Variants in SPRR2G observed in about 807,000 individuals in gnomAD.
SPRR2G encodes the protein small proline-rich protein 2G.
In SPRR2G, 1 loss-of-function variant was observed where a neutral mutation model predicts 0.7. The observed-to-expected ratio is 1.49, with a 90% CI of 0.53 to 7.06. The LOEUF (loss-of-function observed/expected upper bound fraction) is 7.06, where lower values mean the gene tolerates loss of function less well. SPRR2G is among the 30% of genes most tolerant of loss of function. The pLI, the probability that SPRR2G is intolerant of heterozygous loss-of-function variation, is 0.14. For synonymous variants in SPRR2G, 38 were observed against 33.9 expected (o/e 1.12, Z -0.42); for missense variants, 96 against 88.5 (o/e 1.09, Z -0.34).
At chr1:153,162,804 T>C in the SPRR2G span, among the ~76,000 whole-genome samples, 1 of 152,220 alleles carries the variant, frequency 6.6e-6, no homozygotes, top group Non-Finnish European at 1.5e-5. Flanking sequence ...ATTTTCTATG[T>C]GTCTTTATAT....
At chr1:153,194,614 C>T in the SPRR2G span, among the ~76,000 whole-genome samples, 1 of 152,202 alleles carries the variant, frequency 6.6e-6, no homozygotes, top group Non-Finnish European at 1.5e-5. Flanking sequence ...CTTCCTCAGA[C>T]TAAAACTCCC....
chr1:153,163,698 T>G, the SPRR2G span, among the ~76,000 whole-genome samples: 1 of 152,182 alleles, frequency 6.6e-6, no homozygotes. Flanking sequence ...CTCTCTTCCT[T>G]TCCCGAGTCT....
At chr1:153,164,587 C>T in the SPRR2G span, among the ~76,000 whole-genome samples, 1 of 152,172 alleles carries the variant, frequency 6.6e-6, no homozygotes, top group Non-Finnish European at 1.5e-5. Context: ...ATGCTCAAGT[C>T]CCTTATATAA....
At chr1:153,190,015 T>C in the SPRR2G span, 1 of 152,156 alleles carries the variant, frequency 6.6e-6, no homozygotes, top group Non-Finnish European at 1.5e-5. Flanking sequence ...CCTTGTGGTA[T>C]TTTGGGGAAT....
upstream of SPRR2G, among the ~76,000 whole-genome samples, chr1:153,154,074 AT>A (rs1217119976): frequency 1.3e-5 from 2 of 151,888 alleles, no homozygotes; most frequent in African/African-American, 4.8e-5. Context: ...TATTTAGATT[AT>A]CATACAATTT....
chr1:153,188,722 GA>G, the SPRR2G span, among the ~76,000 whole-genome samples: 153 of 152,000 alleles, frequency 1.0e-3, 1 homozygote, highest in Middle Eastern at 0.02. Flanking sequence ...ACTGGTGTAT[GA>G]AAAAAAACTC....
the SPRR2G span, among the ~76,000 whole-genome samples, chr1:153,193,826 A>G: frequency 6.6e-6 from 1 of 152,118 alleles, no homozygotes; most frequent in Non-Finnish European, 1.5e-5. Context: ...CCACATCTCC[A>G]TCCAGGGCAG....
chr1:153,173,343 A>C, the SPRR2G span, among the ~76,000 whole-genome samples: 1 of 152,152 alleles, frequency 6.6e-6, no homozygotes, highest in Non-Finnish European at 1.5e-5. Context: ...AATAAGAAAG[A>C]GTGAAGTTGT....
chr1:153,185,497 T>C, the SPRR2G span, among the ~76,000 whole-genome samples: 1 of 152,188 alleles, frequency 6.6e-6, no homozygotes, highest in Non-Finnish European at 1.5e-5. Context: ...TTCTAGTTTA[T>C]TTGCGTAGAG....
the SPRR2G span, among the ~76,000 whole-genome samples, chr1:153,192,714 C>T: frequency 6.6e-6 from 1 of 152,330 alleles, no homozygotes; most frequent in Admixed American, 6.5e-5. Context: ...TTTTCTCAAG[C>T]TCTTTGCATT....
At chr1:153,165,508 G>A in the SPRR2G span, among the ~76,000 whole-genome samples, 1 of 152,134 alleles carries the variant, frequency 6.6e-6, no homozygotes, top group Non-Finnish European at 1.5e-5. Context: ...TGGCTCCTCA[G>A]AGGCATCAAA....
upstream of SPRR2G, among the ~76,000 whole-genome samples, chr1:153,152,702 C>T (rs998751527): frequency 5.3e-5 from 8 of 152,168 alleles, no homozygotes; most frequent in African/African-American, 1.7e-4. Context: ...GGGTGAGGCA[C>T]TTTCACAGCG....
chr1:153,192,412 G>A, the SPRR2G span, among the ~76,000 whole-genome samples: 5 of 152,090 alleles, frequency 3.3e-5, no homozygotes, highest in African/African-American at 1.2e-4. Context: ...TTTCCATGGA[G>A]GCAAAACCAC....
chr1:153,160,193 CA>C, the SPRR2G span, among the ~76,000 whole-genome samples: 1 of 151,716 alleles, frequency 6.6e-6, no homozygotes, highest in Non-Finnish European at 1.5e-5. Context: ...TTTCACTTAG[CA>C]TAATATCATC....
chr1:153,192,321 T>A, the SPRR2G span, among the ~76,000 whole-genome samples: 1 of 152,188 alleles, frequency 6.6e-6, no homozygotes, highest in Admixed American at 6.5e-5. Flanking sequence ...GCTAATCATA[T>A]TCAGTGATTA....
upstream of SPRR2G, among the ~76,000 whole-genome samples, chr1:153,155,320 T>A (rs1656560584): frequency 6.6e-6 from 1 of 152,180 alleles, no homozygotes; most frequent in African/African-American, 2.4e-5. Context: ...GTATTCTCTA[T>A]CCTGTACACC....
chr1:153,164,773 AT>A, the SPRR2G span, among the ~76,000 whole-genome samples: 4 of 152,030 alleles, frequency 2.6e-5, no homozygotes, highest in Non-Finnish European at 4.4e-5. Flanking sequence ...ACTTTGTGGA[AT>A]TTTTTTTCTG....
chr1:153,182,373 C>CT, the SPRR2G span, among the ~76,000 whole-genome samples: 183 of 138,640 alleles, frequency 1.3e-3, no homozygotes, highest in African/African-American at 3.7e-3. Context: ...TTTGTCATGA[C>CT]TTTTTTTTTT....
chr1:153,154,643 G>A (rs1656545450), upstream of SPRR2G, among the ~76,000 whole-genome samples: 1 of 152,056 alleles, frequency 6.6e-6, no homozygotes, highest in African/African-American at 2.4e-5. Context: ...TTGCTATATA[G>A]TTGTTCATAA....
Sources: gnomAD v4.1 joint callset for allele counts (sites outside exome capture counted in the v4.1 genomes callset) on GRCh38, gnomAD v4.1.1 for gene constraint, MANE v1.5 for transcripts, NCBI Gene and HGNC (gene_info 2026-07-23, HGNC 2026-07-21) for gene names.